The following LMX1A variants were observed in gnomAD, a reference collection of about 807,000 sequenced individuals.
LMX1A encodes the protein LIM homeobox transcription factor 1 alpha.
A neutral mutation model predicts 49.1 loss-of-function variants in LMX1A; 15 were observed. That is an observed-to-expected ratio of 0.31 (90% confidence interval 0.20 to 0.47). LMX1A has a LOEUF of 0.47. Ranked by LOEUF, LMX1A falls within the 20% of genes least tolerant of loss-of-function variation. The pLI, the probability that LMX1A is intolerant of heterozygous loss-of-function variation, is 1.00. For synonymous variants in LMX1A, 167 were observed against 185.7 expected, an observed-to-expected ratio of 0.90 and a Z score of 0.82; for missense variants, 372 against 475.8, an observed-to-expected ratio of 0.78 and a Z score of 2.03.
At chr1:165,230,399 C>T (rs1380942152) in intron 4 of LMX1A, among the ~76,000 whole-genome samples, 1 of 149,348 alleles carries the variant, frequency 6.7e-6, no homozygotes, top group African/African-American at 2.4e-5. Context: ...TAGGCAATGC[C>T]CAAGGAAACC....
intron 3 of LMX1A, among the ~76,000 whole-genome samples, chr1:165,307,337 T>C (rs529621196): frequency 7.2e-5 from 11 of 152,332 alleles, no homozygotes; most frequent in Admixed American, 5.2e-4. Context: ...CCAGAAAGGC[T>C]TAAAACTTAT....
At chr1:165,232,584 T>C (rs746350975) in intron 4 of LMX1A, among the ~76,000 whole-genome samples, 4 of 152,130 alleles carry the variant, frequency 2.6e-5, no homozygotes, top group Non-Finnish European at 5.9e-5. Flanking sequence ...TCTACAAAGA[T>C]GAGGAGCTTC....
At position 165,256,541 on chromosome 1, in the gene LMX1A, A is replaced by G. The variant is rs1653247613; in HGVS notation, c.264-6901T>C. On this transcript the variant is annotated intron_variant, in intron 3 of 8. Coordinates refer to ENST00000342310, the MANE Select transcript of LMX1A (RefSeq NM_177398.4). ...ACTGCCTTGCTATGGTAATTCTTAA[A>G]CAAAATCTTTTCCAGAACCATATCA... 1.3e-5 allele frequency among the ~76,000 whole-genome samples: 2 copies of G among 152,168 alleles called. 1 individual carries two copies. Among genetic ancestry groups the G allele is most frequent in the South Asian group, 4.2e-4 (2 of 4,814 alleles).
At position 165,355,465 on chromosome 1, in the gene LMX1A, G is replaced by A; in HGVS notation, c.76+19C>T. On this transcript the variant is annotated intron_variant, in intron 2 of 8. Coordinates refer to ENST00000342310, the MANE Select transcript of LMX1A (RefSeq NM_177398.4). The surrounding 1 kb of genome is among the most constrained non-coding windows in gnomAD (Gnocchi z 4.7). ...AGCGGAAAGAGAGTGCGCCCAGGAC[G>A]CACGGCCTGAACACTCACCCAGCAG... is the stretch of plus-strand genomic sequence containing the variant. 3.1e-6 allele frequency: 5 copies of A among 1,612,498 alleles called. No homozygotes were observed. The highest frequency in any genetic ancestry group is 4.2e-6 in the Non-Finnish European group (5 of 1,178,954).
intron 3 of LMX1A, among the ~76,000 whole-genome samples, chr1:165,266,028 G>A (rs1298427905): frequency 6.6e-6 from 1 of 152,256 alleles, no homozygotes; most frequent in East Asian, 1.9e-4. Context: ...TATTTATTGG[G>A]TGCCTATGAT....
intron 3 of LMX1A, among the ~76,000 whole-genome samples, chr1:165,313,306 T>C (rs1422872466): frequency 6.6e-6 from 1 of 152,166 alleles, no homozygotes; most frequent in African/African-American, 2.4e-5. Flanking sequence ...GCCTAGCTGA[T>C]CTGATCCATA....
At chr1:165,293,870 A>G (rs1654545899) in intron 3 of LMX1A, among the ~76,000 whole-genome samples, 1 of 152,104 alleles carries the variant, frequency 6.6e-6, no homozygotes, top group African/African-American at 2.4e-5. Flanking sequence ...TCCACCTCCT[A>G]ATACCATCAT....
intron 4 of LMX1A, among the ~76,000 whole-genome samples, chr1:165,241,827 G>A (rs776070744): frequency 6.6e-6 from 1 of 152,230 alleles, no homozygotes; most frequent in Non-Finnish European, 1.5e-5. Context: ...TTCCAAGGTT[G>A]TAGAAGGAAA....
chr1:165,235,155 T>C (rs1212288372), intron 4 of LMX1A, among the ~76,000 whole-genome samples: 3 of 135,600 alleles, frequency 2.2e-5, no homozygotes, highest in Non-Finnish European at 4.6e-5. Context: ...AGTTAGAGCG[T>C]ATAGGGGGCG....
At chr1:165,351,699 G>A (rs975669901) in intron 3 of LMX1A, among the ~76,000 whole-genome samples, 12 of 152,184 alleles carry the variant, frequency 7.9e-5, no homozygotes, top group African/African-American at 2.9e-4. Context: ...GAGAATTTTA[G>A]GGCAAAAAAG....
At chr1:165,299,454 G>C (rs1654712627) in intron 3 of LMX1A, among the ~76,000 whole-genome samples, 1 of 152,206 alleles carries the variant, frequency 6.6e-6, no homozygotes, top group African/African-American at 2.4e-5. Flanking sequence ...TAATACCATA[G>C]GACGGAAGGT....
chr1:165,316,550 C>T (rs1258228595), intron 3 of LMX1A, among the ~76,000 whole-genome samples: 2 of 152,206 alleles, frequency 1.3e-5, no homozygotes, highest in African/African-American at 4.8e-5. Context: ...GAGAATACTG[C>T]AGGGAGGCGC....
intron 3 of LMX1A, among the ~76,000 whole-genome samples, chr1:165,327,340 A>G (rs1348714456): frequency 6.6e-6 from 1 of 152,250 alleles, no homozygotes; most frequent in Non-Finnish European, 1.5e-5. Flanking sequence ...GCAGAGGCTC[A>G]AGCCATGTTT....
intron 3 of LMX1A, among the ~76,000 whole-genome samples, chr1:165,316,306 C>T (rs1014345811): frequency 1.1e-4 from 16 of 152,172 alleles, no homozygotes; most frequent in African/African-American, 2.7e-4. Flanking sequence ...GAGCTTACCA[C>T]GGGGAGATGG....
chr1:165,208,050 G>C lies in LMX1A; in HGVS notation c.817+13C>G, dbSNP rs1201828143. 3 of 1,612,840 alleles carry C rather than the reference G, an allele frequency of 1.9e-6. No homozygotes were observed. Among genetic ancestry groups the C allele is most frequent in the Non-Finnish European group, 2.5e-6 (3 of 1,179,378 alleles). ...TTCCAGCCAGAACTGCCTGGGAGGA[G>C]GCACCAGCTTACCAGAGCTCAGCCT... On this transcript the variant is annotated intron_variant, in intron 7 of 8. Coordinates refer to ENST00000342310, the MANE Select transcript of LMX1A (RefSeq NM_177398.4).
chr1:165,277,390 C>G (rs548305622), intron 3 of LMX1A, among the ~76,000 whole-genome samples: 11 of 152,220 alleles, frequency 7.2e-5, no homozygotes, highest in African/African-American at 2.6e-4. Context: ...TGCCAAATCC[C>G]CCCCTTGGGA....
intron 4 of LMX1A, among the ~76,000 whole-genome samples, chr1:165,240,315 A>G (rs979065275): frequency 2.7e-5 from 1 of 37,030 alleles, no homozygotes; most frequent in African/African-American, 1.1e-4. Context: ...ATACCTACTC[A>G]AGGTTTTTTT....
intron 3 of LMX1A, among the ~76,000 whole-genome samples, chr1:165,250,738 A>T (rs1653027540): frequency 6.6e-6 from 1 of 152,258 alleles, no homozygotes; most frequent in Non-Finnish European, 1.5e-5. Flanking sequence ...CCAAATAATT[A>T]AAGTAGAGGG....
At chr1:165,354,480 G>A (rs954714290) in intron 2 of LMX1A, among the ~76,000 whole-genome samples, 1 of 152,198 alleles carries the variant, frequency 6.6e-6, no homozygotes, top group Non-Finnish European at 1.5e-5. Flanking sequence ...CCCGGGTACT[G>A]CCTGCTCTGG....
Sources: gnomAD v4.1 joint callset for allele counts (sites outside exome capture counted in the v4.1 genomes callset) on GRCh38, gnomAD v4.1.1 for gene constraint, Gnocchi (gnomAD v3.1) non-coding constraint, MANE v1.5 for transcripts, NCBI Gene and HGNC (gene_info 2026-07-23, HGNC 2026-07-21) for gene names.